Variants in RBFA observed in about 807,000 individuals in gnomAD.
RBFA encodes the protein ribosome binding factor A.
A neutral mutation model predicts 27.9 loss-of-function variants in RBFA; 16 were observed. The ratio of observed to expected loss-of-function variants is 0.57; its 90% CI spans 0.39 to 0.87. The LOEUF is 0.87. RBFA is among the 40% of genes least tolerant of loss of function. The pLI is 0.00. For synonymous variants in RBFA, 181 were observed against 181.0 expected (o/e 1.00, Z 0.00); for missense variants, 456 against 432.1 (o/e 1.06, Z -0.49).
rs759142586 is a variant in RBFA at position 80,038,611 on chromosome 18, A to C, written c.485A>C (p.His162Pro). Residue 162 changes from histidine (H) to proline (P), a missense_variant, in exon 4 of 7, where the codon CAC becomes CCC. Transcript: ENST00000306735. ...MEAVLQRSAAHMRHLLMSQQT... is the reference protein window; with the variant it reads ...MEAVLQRSAAPMRHLLMSQQT... ...GCTGTCCTGCAGAGAAGTGCCGCGC[A>C]CATGAGGTGATGACCTTTGCTTTCT... 12 of 1,610,412 alleles carry C rather than the reference A, an allele frequency of 7.5e-6. No individual in the cohort carries two copies. The Admixed American group carries it at 1.8e-4, about 25-fold the overall frequency.
intron 3 of RBFA, among the ~76,000 whole-genome samples, chr18:80,037,974 G>C (rs986978615): frequency 6.6e-6 from 1 of 152,212 alleles, no homozygotes; most frequent in African/African-American, 2.4e-5. Context: ...GGTCATTGGA[G>C]CCCTGGAGAC....
chr18:80,044,073 G>T (rs1229483808), intron 5 of RBFA, 139 bp from the exon 6 acceptor site: 5 of 750,312 alleles, frequency 6.7e-6, no homozygotes, highest in Non-Finnish European at 1.2e-5. Flanking sequence ...CCTAGTATTT[G>T]GGAAGAGTCG....
At chr18:80,042,985 T>A (rs1386455139) in intron 5 of RBFA, among the ~76,000 whole-genome samples, 1 of 152,150 alleles carries the variant, frequency 6.6e-6, no homozygotes, top group African/African-American at 2.4e-5. Context: ...CCCACGCCTG[T>A]CTCCCCCTCC....
At chr18:80,045,406 T>C (rs887522435) in intron 6 of RBFA, among the ~76,000 whole-genome samples, 22 of 152,036 alleles carry the variant, frequency 1.4e-4, no homozygotes, top group African/African-American at 4.8e-4. Flanking sequence ...TTTGTATTTT[T>C]AGTAGAGACA....
In RBFA at chr18:80,049,237, TC is replaced by T; in HGVS notation, c.*3085del. ...CCACTCCTGGGGATTTCCGCGGCCT[TC>T]CCTGGGAGCGGGTTAGGGACATGGA... On this transcript the variant is annotated 3_prime_UTR_variant, in exon 7 of 7. Coordinates refer to ENST00000306735, the MANE Select transcript of RBFA (RefSeq NM_024805.3). 6.6e-6 allele frequency among the ~76,000 whole-genome samples: 1 copy of T among 152,128 alleles called. No individual in the cohort carries two copies. The highest frequency in any genetic ancestry group is 2.4e-5 in the African/African-American group (1 of 41,482).
rs917114596 is a variant in RBFA, at chr18:80,046,479, G to A, written c.*324G>A. The A allele has an allele frequency of 5.4e-5, 17 of 313,838 alleles. 1 individual carries two copies. The highest frequency in any genetic ancestry group is 2.4e-4 in the South Asian group (8 of 33,746). The allele number at this position is 313,838 out of a possible 1,614,324, so 19.4% of individuals were successfully genotyped here. A position where few individuals can be genotyped will look rare whatever the true frequency, so the allele number is the denominator to read the frequency against. ...CCAGGTGCCAGTGAGTGCTTGGCCC[G>A]AGGGGTCAGGCCACAGCAGTGGCCG... On this transcript the variant is annotated 3_prime_UTR_variant, in exon 7 of 7. Coordinates refer to ENST00000306735, the MANE Select transcript of RBFA (RefSeq NM_024805.3).
chr18:80,042,864 C>T lies in RBFA; in HGVS notation c.576+645C>T, dbSNP rs539191000. Among the ~76,000 whole-genome samples the T allele has an allele frequency of 3.3e-5, 5 of 152,100 alleles. No individual in the cohort carries two copies. In the South Asian group the frequency reaches 1.0e-3, roughly 32 times the overall value. ...AAGGCTGTCCCTTTCTCCTGTGCCCCTGTTCCCAGCCAGGTCCCCAGAAGT... is the reference window on the plus strand; with the variant it reads ...AAGGCTGTCCCTTTCTCCTGTGCCCTTGTTCCCAGCCAGGTCCCCAGAAGT... On this transcript the variant is annotated intron_variant, in intron 5 of 6. Transcript: ENST00000306735.
At position 80,041,266 on chromosome 18, in the gene RBFA, G is replaced by A. The variant is rs562419806; in HGVS notation, c.492-869G>A. ...TTTTTAGGTATCAGAAAATTCAGTT[G>A]AGCTGAATGTCCCTCTTCCCAACTC... On this transcript the variant is annotated intron_variant, in intron 4 of 6. Transcript: ENST00000306735. 4 of 152,312 alleles carry A rather than the reference G, an allele frequency of 2.6e-5. No individual in the cohort carries two copies. The East Asian group carries it at 7.7e-4, about 29-fold the overall frequency. The allele number at this position is 152,312 out of a possible 1,614,324, so 9.4% of individuals were successfully genotyped here. A position where few individuals can be genotyped will look rare whatever the true frequency, so the allele number is the denominator to read the frequency against.
At position 80,045,858 on chromosome 18, in the gene RBFA, C is replaced by T. The variant is rs779483221; in HGVS notation, c.735C>T (p.Asn245=). 7.6e-6 allele frequency: 12 copies of T among 1,588,572 alleles called. No individual in the cohort carries two copies. In the African/African-American group the frequency reaches 1.1e-4, roughly 14 times the overall value. ...SLCGIDHEAL[N]KQIMEYKRRK... Reference sequence around the variant, plus strand: ...GTGGGATCGATCATGAGGCGCTCAACAAGCAGATTATGGAGTACAAAAGGA... The same window carrying T: ...GTGGGATCGATCATGAGGCGCTCAATAAGCAGATTATGGAGTACAAAAGGA... Residue 245 remains asparagine, a synonymous_variant, in exon 7 of 7, where the codon AAC becomes AAT. Coordinates refer to ENST00000306735, the MANE Select transcript of RBFA (RefSeq NM_024805.3).
intron 6 of RBFA, among the ~76,000 whole-genome samples, 175 bp from the exon 7 acceptor site, chr18:80,045,599 G>A (rs1236320772): frequency 1.3e-5 from 2 of 152,120 alleles, no homozygotes; most frequent in African/African-American, 4.8e-5. Flanking sequence ...GGAGAAGGCG[G>A]AAACCAAAGC....
chr18:80,039,350 C>T (rs552456588), intron 4 of RBFA, among the ~76,000 whole-genome samples: 30 of 152,196 alleles, frequency 2.0e-4, no homozygotes, highest in South Asian at 6.2e-4. Context: ...TTAAAAAATC[C>T]GAGACAGTTT....
intron 4 of RBFA, among the ~76,000 whole-genome samples, chr18:80,039,469 A>G (rs570770798): frequency 6.6e-6 from 1 of 152,368 alleles, no homozygotes; most frequent in South Asian, 2.1e-4. Context: ...AATGCTGAAC[A>G]GAAAAGCATC....
In RBFA at chr18:80,049,378, C is replaced by G. The variant is rs527700374; in HGVS notation, c.*3223C>G. On this transcript the variant is annotated 3_prime_UTR_variant, in exon 7 of 7. Transcript: ENST00000306735. Reference sequence around the variant, plus strand: ...TGAATGGGTCCACTCCCGGGGATTTCCATGGCCTTCCCTGGATGATCCACT... The same window carrying G: ...TGAATGGGTCCACTCCCGGGGATTTGCATGGCCTTCCCTGGATGATCCACT... 5.6e-4 allele frequency among the ~76,000 whole-genome samples: 86 copies of G among 152,266 alleles called. No individual in the cohort carries two copies. Among genetic ancestry groups the G allele is most frequent in the African/African-American group, 2.0e-3 (83 of 41,536 alleles).
chr18:80,045,761 TCTTC>T lies in RBFA; in HGVS notation c.651-7_651-4del, dbSNP rs2052047570. The T allele has an allele frequency of 2.0e-6, 3 of 1,511,288 alleles. No homozygotes were observed. The highest frequency in any genetic ancestry group is 2.7e-6 in the Non-Finnish European group (3 of 1,130,758). The allele number at this position is 1,511,288 out of a possible 1,614,324, so 93.6% of individuals were successfully genotyped here. ...GGTTTGTGCTTGGTGTGAAGCCTCT[TCTTC>T]CTTCCCAGGGACCCTGATGCCCCAC... On this transcript the variant is annotated splice_polypyrimidine_tract_variant and intron_variant, in intron 6 of 6. Coordinates refer to ENST00000306735, the MANE Select transcript of RBFA (RefSeq NM_024805.3).
chr18:80,046,237 A>G lies in RBFA; in HGVS notation c.*82A>G. ...GCATGTGGCTTCATTGAGGCAGTTG[A>G]TGGAGTTAAACCATCTGCTCTTCTG... On this transcript the variant is annotated 3_prime_UTR_variant, in exon 7 of 7. Transcript: ENST00000306735. 2.7e-6 allele frequency: 4 copies of G among 1,467,882 alleles called. No homozygotes were observed. Among genetic ancestry groups the G allele is most frequent in the Non-Finnish European group, 3.7e-6 (4 of 1,086,882 alleles). The allele number at this position is 1,467,882 out of a possible 1,614,324, so 90.9% of individuals were successfully genotyped here.
chr18:80,044,963 C>T (rs2052040841), intron 6 of RBFA, among the ~76,000 whole-genome samples: 1 of 152,238 alleles, frequency 6.6e-6, no homozygotes, highest in South Asian at 2.1e-4. Flanking sequence ...AAGCTCCACG[C>T]TGTAGCAGGC....
chr18:80,044,265 C>T lies in RBFA; in HGVS notation c.630C>T (p.Asn210=), dbSNP rs2052035840. 6.2e-7 allele frequency: 1 copy of T among 1,614,112 alleles called. No homozygotes were observed. Residue 210 remains asparagine (N), a synonymous_variant, in exon 6 of 7, where the codon AAC becomes AAT. Transcript: ENST00000306735. ...ADFGPRDERD[N]FVQNDFRDPD... The stretch of plus-strand genomic sequence containing the variant: ...TTGGACCCCGGGATGAAAGAGACAA[C>T]TTTGTACAAAATGATTTCAGGTGAC...
Position 80,034,461 on chromosome 18 carries a change from G to T in RBFA, c.-35G>T. ...TTGTCGCTCCGCGCCTGCGCCCGTT[G>T]TCTCCCTGCTCGCTCCGGGTCCCGG... On this transcript the variant is annotated 5_prime_UTR_variant, in exon 1 of 7. Coordinates refer to ENST00000306735, the MANE Select transcript of RBFA (RefSeq NM_024805.3). The T allele has an allele frequency of 6.8e-7, 1 of 1,460,598 alleles. No individual in the cohort carries two copies. Among genetic ancestry groups the T allele is most frequent in the Non-Finnish European group, 9.0e-7 (1 of 1,114,318 alleles). 90.5% of individuals were successfully genotyped at this position (1,460,598 alleles called of 1,614,324 possible). A position where few individuals can be genotyped will look rare whatever the true frequency, so the allele number is the denominator to read the frequency against.
At chr18:80,038,478 G>A (rs1252295666) in intron 3 of RBFA, 27 bp from the exon 4 acceptor site, 2 of 1,492,414 alleles carry the variant, frequency 1.3e-6, no homozygotes, top group Non-Finnish European at 1.9e-6. Flanking sequence ...AAGCTAAAAA[G>A]TGACCTGTGG....
Sources: allele counts gnomAD v4.1 joint callset (sites outside exome capture counted in the v4.1 genomes callset), GRCh38; gene constraint gnomAD v4.1.1; transcripts MANE v1.5; gene names NCBI Gene and HGNC (gene_info 2026-07-23, HGNC 2026-07-21).